KCNMB2: variants seen among roughly 807,000 people sequenced by gnomAD.
The protein encoded by KCNMB2 is potassium calcium-activated channel subfamily M regulatory beta subunit 2.
In KCNMB2, 9 loss-of-function variants were observed where a neutral mutation model predicts 24.5. That is an observed-to-expected ratio of 0.37 (90% CI 0.22 to 0.64). The LOEUF (loss-of-function observed/expected upper bound fraction) is 0.64. Ranked by LOEUF, KCNMB2 falls within the 30% of genes least tolerant of loss-of-function variation. The pLI, the probability that KCNMB2 is intolerant of heterozygous loss-of-function variation, is 0.63. For missense variants in KCNMB2, 226 were observed against 284.3 expected (o/e 0.79, Z 1.47); for synonymous variants, 109 against 104.4 (o/e 1.04, Z -0.27).
At chr3:178,537,539 G>A (rs189056612) in intron 1 of KCNMB2, 1 of 152,330 alleles carries the variant, frequency 6.6e-6, no homozygotes, top group East Asian at 1.9e-4. Flanking sequence ...AAGTCCAGTC[G>A]ATAATGAATA....
chr3:178,789,471 G>A (rs986356669), intron 1 of KCNMB2, among the ~76,000 whole-genome samples: 9 of 152,160 alleles, frequency 5.9e-5, no homozygotes, highest in African/African-American at 1.4e-4. Flanking sequence ...CACAGTACCC[G>A]GTTTTAAAAT....
intron 1 of KCNMB2, among the ~76,000 whole-genome samples, chr3:178,597,268 A>G (rs1431478687): frequency 1.3e-5 from 2 of 152,128 alleles, no homozygotes; most frequent in Non-Finnish European, 2.9e-5. Flanking sequence ...GGCACTCTGG[A>G]ATGCTATGTT....
chr3:178,695,904 T>C (rs1721857046), intron 1 of KCNMB2, among the ~76,000 whole-genome samples: 1 of 152,216 alleles, frequency 6.6e-6, no homozygotes, highest in Non-Finnish European at 1.5e-5. Context: ...GCTTCCACAT[T>C]TTTTGGTATC....
At chr3:178,640,641 AATT>A (rs1719691440) in intron 1 of KCNMB2, among the ~76,000 whole-genome samples, 1 of 152,154 alleles carries the variant, frequency 6.6e-6, no homozygotes, top group Admixed American at 6.5e-5. Flanking sequence ...ACTAAAAGTT[AATT>A]ATTTGACAAC....
intron 2 of KCNMB2, among the ~76,000 whole-genome samples, chr3:178,817,767 C>A (rs969906489): frequency 6.6e-6 from 1 of 152,194 alleles, no homozygotes; most frequent in African/African-American, 2.4e-5. Context: ...TTCTAGCCAT[C>A]ATTCCCTGAT....
At chr3:178,782,684 G>A (rs1391238836) in intron 1 of KCNMB2, among the ~76,000 whole-genome samples, 2 of 150,758 alleles carry the variant, frequency 1.3e-5, no homozygotes, top group East Asian at 3.9e-4. Flanking sequence ...GTAGATTCTG[G>A]ATATTAGCCC....
At chr3:178,710,951 C>T (rs1468541393) in intron 1 of KCNMB2, among the ~76,000 whole-genome samples, 2 of 152,118 alleles carry the variant, frequency 1.3e-5, no homozygotes, top group African/African-American at 2.4e-5. Context: ...GCTGGAGACA[C>T]GGGGCTGAAT....
intron 1 of KCNMB2, among the ~76,000 whole-genome samples, chr3:178,629,655 C>A (rs1719243959): frequency 6.6e-6 from 1 of 151,990 alleles, no homozygotes; most frequent in South Asian, 2.1e-4. Flanking sequence ...AAGCTTTGTG[C>A]CAGACACACA....
intron 1 of KCNMB2, among the ~76,000 whole-genome samples, chr3:178,626,887 T>C (rs1719139893): frequency 6.7e-6 from 1 of 148,664 alleles, no homozygotes; most frequent in African/African-American, 2.4e-5. Context: ...ATGTAACTTA[T>C]ATATATATAG....
intron 4 of KCNMB2, among the ~76,000 whole-genome samples, chr3:178,833,406 A>G (rs1168464623): frequency 3.3e-5 from 5 of 152,172 alleles, no homozygotes; most frequent in African/African-American, 1.2e-4. Flanking sequence ...GTGATTCTTT[A>G]CTTTCTAGAA....
intron 1 of KCNMB2, among the ~76,000 whole-genome samples, chr3:178,712,390 A>G (rs1722482738): frequency 6.6e-6 from 1 of 152,148 alleles, no homozygotes; most frequent in Non-Finnish European, 1.5e-5. Flanking sequence ...AGTCATGTGA[A>G]TAAGTGTGGG....
At chr3:178,717,726 C>A (rs878924706) in intron 1 of KCNMB2, among the ~76,000 whole-genome samples, 1 of 152,102 alleles carries the variant, frequency 6.6e-6, no homozygotes, top group Non-Finnish European at 1.5e-5. Flanking sequence ...TTATTGAGTA[C>A]CTGCTGTATG....
intron 1 of KCNMB2, among the ~76,000 whole-genome samples, chr3:178,692,734 T>C (rs1721727206): frequency 6.6e-6 from 1 of 152,214 alleles, no homozygotes; most frequent in Admixed American, 6.5e-5. Context: ...TGGGCTTTTG[T>C]TGTGTTTTGT....
intron 2 of KCNMB2, among the ~76,000 whole-genome samples, chr3:178,811,315 C>A (rs888962945): frequency 7.2e-5 from 11 of 152,170 alleles, no homozygotes; most frequent in Non-Finnish European, 1.3e-4. Flanking sequence ...TTTCCCAATA[C>A]TATTCTACTC....
chr3:178,626,117 G>A (rs773126024), intron 1 of KCNMB2, among the ~76,000 whole-genome samples: 2 of 152,138 alleles, frequency 1.3e-5, no homozygotes, highest in African/African-American at 2.4e-5. Flanking sequence ...AAAATGATGG[G>A]ACAAAATGCT....
At chr3:178,725,393 C>T (rs1377234082) in intron 1 of KCNMB2, among the ~76,000 whole-genome samples, 1 of 151,932 alleles carries the variant, frequency 6.6e-6, no homozygotes, top group South Asian at 2.1e-4. Context: ...TGCCCTCCCC[C>T]CACCAAAAAA....
rs73181173 is a variant in KCNMB2, at chr3:178,604,350, C to T, written c.-68+67639C>T. 3.8e-3 allele frequency among the ~76,000 whole-genome samples: 567 copies of T among 150,644 alleles called. 3 individuals carry two copies. The highest frequency in any genetic ancestry group is 4.4e-3 in the Non-Finnish European group (295 of 67,806). ...AAATAATGCTACAAACAAAGTTTCACAGAGTAAAATTCAATACAAAAAACA... is the reference window on the plus strand; with the variant it reads ...AAATAATGCTACAAACAAAGTTTCATAGAGTAAAATTCAATACAAAAAACA... On this transcript the variant is annotated intron_variant, in intron 1 of 4. Coordinates refer to ENST00000452583, the MANE Select transcript of KCNMB2 (RefSeq NM_181361.3).
intron 1 of KCNMB2, among the ~76,000 whole-genome samples, chr3:178,742,427 C>T (rs1298188582): frequency 6.6e-6 from 1 of 152,114 alleles, no homozygotes; most frequent in Non-Finnish European, 1.5e-5. Context: ...ATTGGATTTG[C>T]CTCAAATTTT....
chr3:178,795,530 A>G (rs1400007838), intron 1 of KCNMB2, among the ~76,000 whole-genome samples: 3 of 152,146 alleles, frequency 2.0e-5, no homozygotes, highest in Non-Finnish European at 2.9e-5. Flanking sequence ...TACCAAAAGA[A>G]GCAGAAAACA....
Sources: gnomAD v4.1 joint callset for allele counts (sites outside exome capture counted in the v4.1 genomes callset) on GRCh38, gnomAD v4.1.1 for gene constraint, MANE v1.5 for transcripts, NCBI Gene and HGNC (gene_info 2026-07-23, HGNC 2026-07-21) for gene names.